SENP5: variants seen among roughly 807,000 people sequenced by gnomAD.
SENP5 encodes SUMO specific peptidase 5.
In SENP5, 21 loss-of-function variants were observed where a neutral mutation model predicts 74.2. The ratio of observed to expected loss-of-function variants is 0.28; its 90% confidence interval spans 0.20 to 0.41. SENP5 has a LOEUF of 0.41. Ranked by LOEUF, SENP5 falls within the 10% of genes least tolerant of loss-of-function variation. SENP5 has a pLI of 1.00. For missense variants in SENP5, 717 were observed against 889.1 expected (o/e 0.81, Z 2.46); for synonymous variants, 311 against 312.7 (o/e 0.99, Z 0.06).
chr3:196,890,351 C>T (rs1480363847), intron 2 of SENP5, among the ~76,000 whole-genome samples: 1 of 152,160 alleles, frequency 6.6e-6, no homozygotes, highest in Non-Finnish European at 1.5e-5. Flanking sequence ...TGAATGCTGG[C>T]TTGTCTCTAA....
chr3:196,917,542 TAAAG>T (rs747020582), intron 6 of SENP5, among the ~76,000 whole-genome samples: 3 of 151,888 alleles, frequency 2.0e-5, no homozygotes, highest in African/African-American at 4.8e-5. Context: ...AGGTTGAGGA[TAAAG>T]AAAGAATCCT....
At chr3:196,880,062 C>T (rs765674196) in intron 1 of SENP5, among the ~76,000 whole-genome samples, 1 of 152,054 alleles carries the variant, frequency 6.6e-6, no homozygotes, top group Admixed American at 6.6e-5. Context: ...TCTCCTGCCT[C>T]AGCCTCCCGA....
At chr3:196,919,488 A>T (rs762300559) in intron 6 of SENP5, among the ~76,000 whole-genome samples, 224 of 152,228 alleles carry the variant, frequency 1.5e-3, no homozygotes, top group Non-Finnish European at 2.5e-3. Context: ...CTCAAAACAA[A>T]CAAATGAACA....
At chr3:196,898,352 T>A (rs1349186491) in intron 2 of SENP5, among the ~76,000 whole-genome samples, 1 of 151,754 alleles carries the variant, frequency 6.6e-6, no homozygotes, top group Non-Finnish European at 1.5e-5. Context: ...ATTTCTCATC[T>A]TGGGAGGCTG....
intron 8 of SENP5, 174 bp from the exon 9 acceptor site, chr3:196,929,459 T>C (rs1419805136): frequency 3.8e-6 from 2 of 532,066 alleles, no homozygotes; most frequent in African/African-American, 4.0e-5. Flanking sequence ...TGATAGCTCT[T>C]TTTATGTGGC....
chr3:196,884,527 T>C (rs942452830), intron 1 of SENP5, among the ~76,000 whole-genome samples: 1 of 152,144 alleles, frequency 6.6e-6, no homozygotes, highest in Non-Finnish European at 1.5e-5. Context: ...ATATTCTAAT[T>C]TCAGCTTGAC....
At chr3:196,927,723 C>G in intron 7 of SENP5, 73 bp from the exon 8 acceptor site, 1 of 811,854 alleles carries the variant, frequency 1.2e-6, no homozygotes, top group Non-Finnish European at 2.1e-6. Context: ...TTCCTTCTGT[C>G]TGCTATGGGC....
At chr3:196,890,949 T>A (rs140388199) in intron 2 of SENP5, among the ~76,000 whole-genome samples, 63 of 152,276 alleles carry the variant, frequency 4.1e-4, no homozygotes, top group African/African-American at 1.5e-3. Context: ...ACATTCCAGA[T>A]GGATTAAAAG....
At position 196,934,100 on chromosome 3, in the gene SENP5, G is replaced by T. The variant is rs1453293073; in HGVS notation, c.*3177G>T. The T allele has an allele frequency of 6.6e-6, 1 of 152,094 alleles. No individual in the cohort carries two copies. The highest frequency in any genetic ancestry group is 2.1e-4 in the South Asian group (1 of 4,824). 9.4% of individuals were successfully genotyped at this position (152,094 alleles called of 1,614,324 possible). On this transcript the variant is annotated 3_prime_UTR_variant, in exon 10 of 10. Transcript: ENST00000323460. The stretch of plus-strand genomic sequence containing the variant: ...TCAACTTTTAGTTACGTTCTCTCAA[G>T]AATCCTAATCAACTTTCAGTTAGCC...
chr3:196,893,895 G>A (rs1026546260), intron 2 of SENP5, among the ~76,000 whole-genome samples: 2 of 140,056 alleles, frequency 1.4e-5, no homozygotes, highest in Admixed American at 7.5e-5. Flanking sequence ...GGGTGACAGA[G>A]TGAGACTCTG....
chr3:196,900,379 T>C lies in SENP5; in HGVS notation c.1773T>C (p.Tyr591=). Residue 591 remains tyrosine (Y), a synonymous_variant, in exon 5 of 10, where the codon TAT becomes TAC. Transcript: ENST00000323460. ...ACTTTTTATAGGTCATTAATATGTA[T>C]GGTGAGCTGATAATGGATGCAGTCC... ...NWLNDQVINM[Y]GELIMDAVPD... 6.2e-7 allele frequency: 1 copy of C among 1,611,138 alleles called. No homozygotes were observed. Among genetic ancestry groups the C allele is most frequent in the Non-Finnish European group, 8.5e-7 (1 of 1,178,844 alleles).
At chr3:196,878,325 C>T (rs552557476) in intron 1 of SENP5, among the ~76,000 whole-genome samples, 5 of 152,160 alleles carry the variant, frequency 3.3e-5, no homozygotes, top group South Asian at 4.1e-4. Context: ...TTCTTCTCCC[C>T]GTAGACATAA....
At chr3:196,900,753 T>C (rs1440374471) in intron 5 of SENP5, among the ~76,000 whole-genome samples, 2 of 151,820 alleles carry the variant, frequency 1.3e-5, no homozygotes, top group African/African-American at 2.4e-5. Context: ...GCCTGGCTAA[T>C]TTTTGTATTT....
intron 6 of SENP5, among the ~76,000 whole-genome samples, chr3:196,921,872 C>G (rs1190316698): frequency 6.6e-6 from 1 of 152,110 alleles, no homozygotes; most frequent in Non-Finnish European, 1.5e-5. Flanking sequence ...AATGTTTTAA[C>G]CCAAGTAATC....
At chr3:196,887,987 C>T (rs894609317) in intron 2 of SENP5, among the ~76,000 whole-genome samples, 2 of 152,050 alleles carry the variant, frequency 1.3e-5, no homozygotes, top group Non-Finnish European at 2.9e-5. Flanking sequence ...AGGCTGGTCT[C>T]GAACTCCTGA....
intron 2 of SENP5, among the ~76,000 whole-genome samples, chr3:196,890,852 T>G (rs1400268275): frequency 6.6e-6 from 1 of 152,148 alleles, no homozygotes; most frequent in Non-Finnish European, 1.5e-5. Context: ...CTAAATTTAG[T>G]GTAGTAAAAT....
At chr3:196,928,135 GA>G (rs546822163) in intron 8 of SENP5, among the ~76,000 whole-genome samples, 2 of 150,062 alleles carry the variant, frequency 1.3e-5, no homozygotes, top group South Asian at 2.1e-4. Context: ...CTCTTCTGGG[GA>G]AAAAAAAAAT....
At chr3:196,927,447 TAAC>T (rs1028757337) in intron 7 of SENP5, among the ~76,000 whole-genome samples, 17 of 152,222 alleles carry the variant, frequency 1.1e-4, no homozygotes, top group Admixed American at 5.2e-4. Flanking sequence ...GACTCCCCCT[TAAC>T]AATATGAAAT....
In SENP5 at chr3:196,877,301, G is replaced by T. The variant is rs929872136; in HGVS notation, c.-31-7850G>T. On this transcript the variant is annotated intron_variant, in intron 1 of 9. Transcript: ENST00000323460. ...TGGTTGAAGCGATTCTTCTGCCTCA[G>T]GCTCCTGAGAAGCTGGCCATTACTG... 8.5e-5 allele frequency among the ~76,000 whole-genome samples: 13 copies of T among 152,146 alleles called. 2 individuals are homozygous for T. The highest frequency in any genetic ancestry group is 7.9e-4 in the Admixed American group (12 of 15,266).
Sources: gnomAD v4.1 joint callset for allele counts (sites outside exome capture counted in the v4.1 genomes callset) on GRCh38, gnomAD v4.1.1 for gene constraint, MANE v1.5 for transcripts, NCBI Gene and HGNC (gene_info 2026-07-23, HGNC 2026-07-21) for gene names.